The following GRB14 variants were observed in gnomAD, a reference collection of about 807,000 sequenced individuals.
GRB14 encodes the protein growth factor receptor bound protein 14.
In GRB14, 38 loss-of-function variants were observed where a neutral mutation model predicts 69.1. That is an observed-to-expected ratio of 0.55 (90% CI 0.42 to 0.72). The LOEUF (loss-of-function observed/expected upper bound fraction) is 0.72, where lower values mean the gene tolerates loss of function less well. GRB14 is among the 30% of genes least tolerant of loss of function. GRB14 has a pLI of 0.00. For missense variants in GRB14, 666 were observed against 666.1 expected, an observed-to-expected ratio of 1.00 and a Z score of 0.00; for synonymous variants, 247 against 241.3, an observed-to-expected ratio of 1.02 and a Z score of -0.22.
At chr2:164,538,170 C>A (rs568533107) in intron 3 of GRB14, among the ~76,000 whole-genome samples, 1 of 152,266 alleles carries the variant, frequency 6.6e-6, no homozygotes, top group African/African-American at 2.4e-5. Context: ...ATTAAAGCCA[C>A]TCCACAATGA....
chr2:164,502,267 G>A lies in GRB14; in HGVS notation c.1092C>T (p.Ser364=). ...ATTTGGTCCTTACCATAGGTGATAT[G>A]CTCTGTGAACTGCAGCCACTTCTAC... ...YQGRSGCSSQ[S]ISPMRSISEN... Residue 364 remains serine (S), a synonymous_variant, in exon 9 of 14, where the codon AGC becomes AGT. Coordinates refer to ENST00000263915, the MANE Select transcript of GRB14 (RefSeq NM_004490.3). The A allele has an allele frequency of 1.3e-6, 2 of 1,594,590 alleles. No individual in the cohort carries two copies. The highest frequency in any genetic ancestry group is 1.7e-6 in the Non-Finnish European group (2 of 1,163,184).
intron 2 of GRB14, among the ~76,000 whole-genome samples, chr2:164,557,407 G>A (rs1005277532): frequency 6.6e-6 from 1 of 152,126 alleles, no homozygotes; most frequent in Non-Finnish European, 1.5e-5. Flanking sequence ...AGTTGGCAAC[G>A]TAGAAATAAT....
chr2:164,495,959 A>G (rs756362142), intron 12 of GRB14, among the ~76,000 whole-genome samples: 6 of 152,218 alleles, frequency 3.9e-5, no homozygotes, highest in Non-Finnish European at 5.9e-5. Context: ...CTTTCAAAAC[A>G]TTTTAATAAT....
intron 12 of GRB14, among the ~76,000 whole-genome samples, chr2:164,495,760 T>G (rs1021528998): frequency 6.6e-6 from 1 of 152,204 alleles, no homozygotes; most frequent in Non-Finnish European, 1.5e-5. Flanking sequence ...GGCGTTTCAC[T>G]GGTAAATCAA....
intron 1 of GRB14, chr2:164,620,056 C>G (rs1690410872): frequency 1.8e-5 from 2 of 109,356 alleles, no homozygotes; most frequent in African/African-American, 6.2e-5. Flanking sequence ...CTCTCTCTCT[C>G]TCTCTCCCCT....
At chr2:164,523,625 G>C (rs1263704928) in intron 5 of GRB14, among the ~76,000 whole-genome samples, 2 of 151,970 alleles carry the variant, frequency 1.3e-5, no homozygotes, top group African/African-American at 2.4e-5. Context: ...TGCAAAACAG[G>C]CAAGTAGGTT....
chr2:164,543,632 A>G (rs1313586109), intron 3 of GRB14, among the ~76,000 whole-genome samples: 1 of 152,224 alleles, frequency 6.6e-6, no homozygotes, highest in African/African-American at 2.4e-5. Flanking sequence ...TAGCACTCAC[A>G]GAAGACTTGC....
At position 164,496,862 on chromosome 2, in the gene GRB14, A is replaced by C. The variant is rs540359348; in HGVS notation, c.1382+146T>G. The stretch of plus-strand genomic sequence containing the variant: ...TATAATATAGATACTGTTAGAATAC[A>C]GTGATGACCTCATTTATAGAACAAT... On this transcript the variant is annotated intron_variant, in intron 12 of 13. Coordinates refer to ENST00000263915, the MANE Select transcript of GRB14 (RefSeq NM_004490.3). The C allele has an allele frequency of 5.3e-4, 340 of 642,174 alleles. 3 individuals are homozygous for C. The South Asian group carries it at 6.3e-3, about 12-fold the overall frequency. The allele number at this position is 642,174 out of a possible 1,614,324, so 39.8% of individuals were successfully genotyped here. A position where few individuals can be genotyped will look rare whatever the true frequency, so the allele number is the denominator to read the frequency against.
At chr2:164,496,693 T>C (rs1574239397) in intron 12 of GRB14, among the ~76,000 whole-genome samples, 1 of 152,214 alleles carries the variant, frequency 6.6e-6, no homozygotes, top group Admixed American at 6.5e-5. Flanking sequence ...AAAAAGAAGT[T>C]CATTTTCCCC....
At chr2:164,548,961 T>C (rs1456861649) in intron 2 of GRB14, among the ~76,000 whole-genome samples, 2 of 152,210 alleles carry the variant, frequency 1.3e-5, no homozygotes, top group African/African-American at 2.4e-5. Flanking sequence ...CACTGTAGCC[T>C]CCACCTCCCA....
intron 3 of GRB14, among the ~76,000 whole-genome samples, chr2:164,547,117 C>T (rs946959573): frequency 1.3e-5 from 2 of 152,026 alleles, no homozygotes; most frequent in South Asian, 4.1e-4. Context: ...AAAGAAGGCT[C>T]GAATAAATAA....
rs889931523 is a variant in GRB14, at chr2:164,621,093, C to T, written c.191+26G>A. The T allele has an allele frequency of 1.6e-6, 2 of 1,245,528 alleles. No homozygotes were observed. The highest frequency in any genetic ancestry group is 3.1e-5 in the African/African-American group (2 of 64,380). The allele number at this position is 1,245,528 out of a possible 1,614,324, so 77.2% of individuals were successfully genotyped here. On this transcript the variant is annotated intron_variant, in intron 1 of 13. Transcript: ENST00000263915. The surrounding 1 kb of genome is among the most constrained non-coding windows in gnomAD (Gnocchi z 6.0). Reference sequence around the variant, plus strand: ...TCGCCGGCTGCCCAGCCAGGACACTCCCCCGCGCCCTCCAGGGTTGCCTAC... The same window carrying T: ...TCGCCGGCTGCCCAGCCAGGACACTTCCCCGCGCCCTCCAGGGTTGCCTAC...
intron 2 of GRB14, among the ~76,000 whole-genome samples, chr2:164,602,644 G>A (rs2105353534): frequency 6.6e-6 from 1 of 152,322 alleles, no homozygotes; most frequent in Middle Eastern, 3.4e-3. Context: ...CTAGGTGAGA[G>A]TGTTATCTGA....
Position 164,621,135 on chromosome 2 carries a change from C to G in GRB14, c.175G>C (p.Gly59Arg). The change falls in exon 1 of 14, where the codon GGC becomes CGC. Residue 59 changes from glycine (G) to arginine (R), a missense_variant. Coordinates refer to ENST00000263915, the MANE Select transcript of GRB14 (RefSeq NM_004490.3). This position sits in a 1 kb window ranked among gnomAD's most constrained non-coding sequence, Gnocchi z 6.0. ...GTTGCCTACCTGTCTGCAGCACAGC[C>G]GCGGGTCCCGTCCGGAAGGGGCAGG... Reference protein sequence around the residue: ...ALLPLPDGTRGCAADRRKKKD... With the variant: ...ALLPLPDGTRRCAADRRKKKD... The G allele has an allele frequency of 8.0e-7, 1 of 1,246,166 alleles. No individual in the cohort carries two copies. Among genetic ancestry groups the G allele is most frequent in the African/African-American group, 1.5e-5 (1 of 64,528 alleles). 77.2% of individuals were successfully genotyped at this position (1,246,166 alleles called of 1,614,324 possible).
rs118036589 is a variant in GRB14 at position 164,611,605 on chromosome 2, G to A, written c.324+8082C>T. Among the ~76,000 whole-genome samples the A allele has an allele frequency of 1.4e-3, 206 of 150,586 alleles. 3 individuals carry two copies. The East Asian group carries it at 0.028, about 21-fold the overall frequency. On this transcript the variant is annotated intron_variant, in intron 2 of 13. Coordinates refer to ENST00000263915, the MANE Select transcript of GRB14 (RefSeq NM_004490.3). ...GCCTCAAGTGGTCACATCTTATCTC[G>A]TATCCTTATTTCTAAGTTTAGATGC...
chr2:164,539,810 A>G (rs1688186204), intron 3 of GRB14: 1 of 152,146 alleles, frequency 6.6e-6, no homozygotes, highest in Admixed American at 6.5e-5. Flanking sequence ...TCATAAACAG[A>G]CCACGTGTGA....
intron 2 of GRB14, among the ~76,000 whole-genome samples, chr2:164,551,744 C>T (rs1250065557): frequency 6.6e-6 from 1 of 152,150 alleles, no homozygotes; most frequent in Non-Finnish European, 1.5e-5. Flanking sequence ...CCCTGACTGT[C>T]CAAGGGTTCA....
At chr2:164,559,676 C>A (rs1688771947) in intron 2 of GRB14, among the ~76,000 whole-genome samples, 1 of 152,100 alleles carries the variant, frequency 6.6e-6, no homozygotes, top group Non-Finnish European at 1.5e-5. Context: ...AGTTTGTTTA[C>A]CCACTCGTTG....
Position 164,493,008 on chromosome 2 carries a change from A to G in GRB14, c.*28T>C, listed in dbSNP as rs771455296. 4.8e-5 allele frequency: 76 copies of G among 1,586,176 alleles called. No homozygotes were observed. The highest frequency in any genetic ancestry group is 6.5e-5 in the Non-Finnish European group (76 of 1,166,908). ...ATTTTTCTTGAGTCCTTTTCCTTCA[A>G]TAGTTTAATAAGTCACTTCTGGCTT... On this transcript the variant is annotated 3_prime_UTR_variant, in exon 14 of 14. Coordinates refer to ENST00000263915, the MANE Select transcript of GRB14 (RefSeq NM_004490.3).
Sources: allele counts gnomAD v4.1 joint callset (sites outside exome capture counted in the v4.1 genomes callset), GRCh38; gene constraint gnomAD v4.1.1; non-coding constraint Gnocchi (gnomAD v3.1); transcripts MANE v1.5; gene names NCBI Gene and HGNC (gene_info 2026-07-23, HGNC 2026-07-21).